Variants in GNAI1 observed in about 807,000 individuals in gnomAD.
GNAI1 encodes G protein subunit alpha i1.
A neutral mutation model predicts 38.9 loss-of-function variants in GNAI1; 11 were observed. That is an observed-to-expected ratio of 0.28 (90% CI 0.18 to 0.47). The LOEUF (loss-of-function observed/expected upper bound fraction) is 0.47, where lower values mean the gene tolerates loss of function less well. Among genes scored for constraint, GNAI1 ranks in the 20% least tolerant of loss-of-function variants. The probability of loss-of-function intolerance (pLI) is 0.99; values close to 1 mark genes in which losing one functional copy is unlikely to be tolerated. For missense variants in GNAI1, 317 were observed against 436.9 expected (o/e 0.73, Z 2.45); for synonymous variants, 166 against 145.1 (o/e 1.14, Z -1.04).
At chr7:80,213,302 G>A (rs952061767) in intron 7 of GNAI1, among the ~76,000 whole-genome samples, 1 of 152,114 alleles carries the variant, frequency 6.6e-6, no homozygotes, top group Non-Finnish European at 1.5e-5. Flanking sequence ...AATGAAGACA[G>A]GATCATTGAG....
At chr7:80,178,694 C>T (rs1788237951) in intron 1 of GNAI1, among the ~76,000 whole-genome samples, 1 of 152,130 alleles carries the variant, frequency 6.6e-6, no homozygotes, top group South Asian at 2.1e-4. Flanking sequence ...AGAGTGTGAA[C>T]ATAATTGTTA....
At chr7:80,182,667 C>T (rs1044584138) in intron 1 of GNAI1, among the ~76,000 whole-genome samples, 5 of 152,010 alleles carry the variant, frequency 3.3e-5, no homozygotes, top group African/African-American at 1.2e-4. Context: ...ACAAAAATAG[C>T]ACAGAAAGAA....
chr7:80,154,258 C>G (rs1410288720), intron 1 of GNAI1, among the ~76,000 whole-genome samples: 1 of 152,044 alleles, frequency 6.6e-6, no homozygotes, highest in African/African-American at 2.4e-5. Context: ...ATAAAAGGTG[C>G]ACTTTTAAAT....
At chr7:80,198,564 G>C (rs1012321217) in intron 3 of GNAI1, among the ~76,000 whole-genome samples, 4 of 152,024 alleles carry the variant, frequency 2.6e-5, no homozygotes, top group African/African-American at 4.8e-5. Flanking sequence ...TGTATATCAT[G>C]AGTATTTCTA....
Position 80,225,495 on chromosome 7 carries a change from A to G in GNAI1, c.*8002A>G, listed in dbSNP as rs1251564098. ...TTTTTTAATATGTTTCAATTCCCCTAGCCAAATTCCTTTCTTTCTCCACAC... is the reference window on the plus strand; with the variant it reads ...TTTTTTAATATGTTTCAATTCCCCTGGCCAAATTCCTTTCTTTCTCCACAC... On this transcript the variant is annotated 3_prime_UTR_variant, in exon 8 of 8. Transcript: ENST00000649796. Among the ~76,000 whole-genome samples, 1 of 152,004 alleles carries G rather than the reference A, an allele frequency of 6.6e-6. No homozygotes were observed. Among genetic ancestry groups the G allele is most frequent in the Non-Finnish European group, 1.5e-5 (1 of 68,010 alleles).
At chr7:80,165,727 A>G (rs1408576652) in intron 1 of GNAI1, among the ~76,000 whole-genome samples, 2 of 152,162 alleles carry the variant, frequency 1.3e-5, no homozygotes, top group Admixed American at 6.5e-5. Flanking sequence ...AGTTTTTAGT[A>G]TAATAGTTTT....
chr7:80,188,509 T>A (rs192265843), intron 1 of GNAI1, among the ~76,000 whole-genome samples: 29 of 152,310 alleles, frequency 1.9e-4, no homozygotes, highest in African/African-American at 5.5e-4. Context: ...TTCTGTGTGT[T>A]TAGAAACCGA....
intron 1 of GNAI1, among the ~76,000 whole-genome samples, chr7:80,180,572 C>T (rs187065415): frequency 2.1e-3 from 321 of 152,194 alleles, no homozygotes; most frequent in Middle Eastern, 3.4e-3. Context: ...CCTCATTAAC[C>T]TCCTTTGTTT....
intron 1 of GNAI1, among the ~76,000 whole-genome samples, chr7:80,145,707 C>T (rs1787607524): frequency 6.6e-6 from 1 of 152,050 alleles, no homozygotes; most frequent in Non-Finnish European, 1.5e-5. Flanking sequence ...TTTTGAAGTT[C>T]TTGAGCTTCA....
At chr7:80,156,815 T>A (rs530878250) in intron 1 of GNAI1, among the ~76,000 whole-genome samples, 3 of 152,256 alleles carry the variant, frequency 2.0e-5, no homozygotes, top group Admixed American at 2.0e-4. Context: ...TTTAGAGTAG[T>A]TTTAGGTTCA....
At chr7:80,160,410 A>G (rs1357238586) in intron 1 of GNAI1, among the ~76,000 whole-genome samples, 2 of 151,948 alleles carry the variant, frequency 1.3e-5, no homozygotes, top group African/African-American at 2.4e-5. Context: ...GTTAGGCTCA[A>G]TTTTGTATTT....
intron 5 of GNAI1, among the ~76,000 whole-genome samples, chr7:80,204,176 TAAGA>T (rs1788734173): frequency 1.3e-5 from 2 of 152,110 alleles, no homozygotes; most frequent in Non-Finnish European, 2.9e-5. Context: ...TTTTAGGTAA[TAAGA>T]GAGCAAGTTT....
rs550007953 is a variant in GNAI1 at position 80,211,659 on chromosome 7, G to A, written c.720+561G>A. ...GTCAGAAACTCCTGACCTCAGATGAGCCACCCATCTCGGCCTCCCAAAGTG... is the reference window on the plus strand; with the variant it reads ...GTCAGAAACTCCTGACCTCAGATGAACCACCCATCTCGGCCTCCCAAAGTG... On this transcript the variant is annotated intron_variant, in intron 6 of 7. Coordinates refer to ENST00000649796, the MANE Select transcript of GNAI1 (RefSeq NM_002069.6). Among the ~76,000 whole-genome samples, 18 of 152,072 alleles carry A rather than the reference G, an allele frequency of 1.2e-4. No homozygotes were observed. The South Asian group carries it at 3.7e-3, about 32-fold the overall frequency.
chr7:80,140,879 C>G (rs1043550338), intron 1 of GNAI1, among the ~76,000 whole-genome samples: 4 of 152,158 alleles, frequency 2.6e-5, no homozygotes, highest in Admixed American at 1.3e-4. Flanking sequence ...TCTGGAGATT[C>G]TAGAGGAGAA....
intron 3 of GNAI1, among the ~76,000 whole-genome samples, chr7:80,193,591 A>G (rs910608483): frequency 2.6e-5 from 4 of 152,172 alleles, no homozygotes; most frequent in African/African-American, 9.6e-5. Context: ...AAAGGGGCCT[A>G]TTCACCTGTT....
intron 1 of GNAI1, among the ~76,000 whole-genome samples, chr7:80,165,486 G>A (rs1787998157): frequency 6.6e-6 from 1 of 152,086 alleles, no homozygotes; most frequent in Admixed American, 6.5e-5. Flanking sequence ...CACTTTGTAT[G>A]TTTATGTAAA....
intron 6 of GNAI1, among the ~76,000 whole-genome samples, chr7:80,212,163 C>G (rs1234534191): frequency 6.6e-6 from 1 of 151,950 alleles, no homozygotes. Context: ...AGTGCAACAC[C>G]ACATGTTCAT....
intron 3 of GNAI1, among the ~76,000 whole-genome samples, chr7:80,190,982 T>C (rs1172332379): frequency 6.6e-6 from 1 of 152,178 alleles, no homozygotes; most frequent in African/African-American, 2.4e-5. Flanking sequence ...TTCTGATGCT[T>C]TGGAATCTTA....
rs77568198 is a variant in GNAI1, at chr7:80,161,026, T to C, written c.118+25748T>C. ...AGTAAGTTAACAGACTTTTAAAATA[T>C]AGTACTCTTTTGAATCTTTGATACA... On this transcript the variant is annotated intron_variant, in intron 1 of 7. Transcript: ENST00000649796. Among the ~76,000 whole-genome samples, 33 of 152,278 alleles carry C rather than the reference T, an allele frequency of 2.2e-4. 1 individual carries two copies. In the East Asian group the frequency reaches 6.0e-3, roughly 28 times the overall value.
Sources: gnomAD v4.1 joint callset for allele counts (sites outside exome capture counted in the v4.1 genomes callset) on GRCh38, gnomAD v4.1.1 for gene constraint, MANE v1.5 for transcripts, NCBI Gene and HGNC (gene_info 2026-07-23, HGNC 2026-07-21) for gene names.